SLCO1A2: variants seen among roughly 807,000 people sequenced by gnomAD.
SLCO1A2 encodes solute carrier organic anion transporter family member 1A2.
SLCO1A2 carries 67 observed loss-of-function variants against 69.0 expected under a neutral mutation model. The ratio of observed to expected loss-of-function variants is 0.97; its 90% CI spans 0.80 to 1.19. The LOEUF (loss-of-function observed/expected upper bound fraction) is 1.19. SLCO1A2 is among the 50% of genes most tolerant of loss of function. The pLI, the probability that SLCO1A2 is intolerant of heterozygous loss-of-function variation, is 0.00. For synonymous variants in SLCO1A2, 260 were observed against 265.9 expected, an observed-to-expected ratio of 0.98 and a Z score of 0.22; for missense variants, 787 against 793.7, an observed-to-expected ratio of 0.99 and a Z score of 0.10.
chr12:21,391,087 A>C (rs376101579), intron 1 of SLCO1A2, among the ~76,000 whole-genome samples: 5 of 152,134 alleles, frequency 3.3e-5, no homozygotes, highest in Non-Finnish European at 5.9e-5. Flanking sequence ...AATTTCTGAA[A>C]TTTTCCATGT....
intron 8 of SLCO1A2, among the ~76,000 whole-genome samples, chr12:21,300,000 A>ATG (rs113017149): frequency 0.097 from 14,223 of 147,228 alleles, 1,579 homozygotes; most frequent in East Asian, 0.35. Context: ...GTGTAGATAT[A>ATG]TGTGTGTGTA....
At chr12:21,359,022 C>G (rs1050412872) in intron 2 of SLCO1A2, among the ~76,000 whole-genome samples, 6 of 152,148 alleles carry the variant, frequency 3.9e-5, no homozygotes, top group Non-Finnish European at 5.9e-5. Context: ...CTATGCTTAG[C>G]TAAGACAGCA....
chr12:21,329,926 T>C (rs1952497776), intron 2 of SLCO1A2, among the ~76,000 whole-genome samples: 1 of 151,658 alleles, frequency 6.6e-6, no homozygotes, highest in Admixed American at 6.6e-5. Context: ...CTACTGGAGG[T>C]AATTTTGAGA....
intron 12 of SLCO1A2, among the ~76,000 whole-genome samples, chr12:21,290,736 T>C (rs1262892540): frequency 1.3e-5 from 2 of 152,138 alleles, no homozygotes. Flanking sequence ...TTTTTATAAG[T>C]TAGAAATGTG....
intron 2 of SLCO1A2, among the ~76,000 whole-genome samples, chr12:21,325,711 C>A (rs1308641039): frequency 6.6e-6 from 1 of 152,186 alleles, no homozygotes; most frequent in Non-Finnish European, 1.5e-5. Context: ...TTTGTTTCAA[C>A]CCCATCAATT....
chr12:21,297,409 A>T lies in SLCO1A2; in HGVS notation c.1070T>A (p.Leu357Gln). The change falls in exon 9 of 15, where the codon CTA becomes CAA. Residue 357 changes from leucine (L) to glutamine (Q), a missense_variant. Transcript: ENST00000683939. The stretch of plus-strand genomic sequence containing the variant: ...GCAGAGAAAAACAAACATACCCATT[A>T]GAAAGATTGCATCTGAAGATGATAT... ...YGISSSDAIF[L>Q]MGIYNLPPIC... 1 of 1,610,268 alleles carries T rather than the reference A, an allele frequency of 6.2e-7. No homozygotes were observed. The highest frequency in any genetic ancestry group is 8.5e-7 in the Non-Finnish European group (1 of 1,177,532).
rs200776060 is a variant in SLCO1A2, at chr12:21,299,995, GAT to G, written c.910+351_910+352del. 7.9e-3 allele frequency among the ~76,000 whole-genome samples: 1,107 copies of G among 140,760 alleles called. 17 individuals carry two copies. The highest frequency in any genetic ancestry group is 0.03 in the African/African-American group (1,059 of 35,722). The allele number at this position is 140,760 out of a possible 152,430, so 92.3% of individuals were successfully genotyped here. The stretch of plus-strand genomic sequence containing the variant: ...ATATATATGTGTATATATGTGTGTA[GAT>G]ATATGTGTGTGTACATATATATGTG... On this transcript the variant is annotated intron_variant, in intron 8 of 14. Transcript: ENST00000683939.
At chr12:21,285,897 A>G (rs1945688949) in intron 12 of SLCO1A2, among the ~76,000 whole-genome samples, 1 of 151,198 alleles carries the variant, frequency 6.6e-6, no homozygotes, top group South Asian at 2.1e-4. Context: ...CCCACAGCCA[A>G]TATCATACTG....
intron 12 of SLCO1A2, among the ~76,000 whole-genome samples, chr12:21,282,693 A>G (rs1250944776): frequency 6.6e-6 from 1 of 152,124 alleles, no homozygotes; most frequent in Non-Finnish European, 1.5e-5. Flanking sequence ...TGAAAAGCCT[A>G]AAGACTCCAC....
At chr12:21,371,831 C>T (rs1227966619) in intron 2 of SLCO1A2, among the ~76,000 whole-genome samples, 3 of 151,894 alleles carry the variant, frequency 2.0e-5, no homozygotes, top group Non-Finnish European at 4.4e-5. Flanking sequence ...AGAGAATCCC[C>T]GTCTCCACTA....
intron 1 of SLCO1A2, among the ~76,000 whole-genome samples, chr12:21,400,858 C>G (rs1451236708): frequency 4.1e-5 from 5 of 122,708 alleles, no homozygotes; most frequent in African/African-American, 1.6e-4. Flanking sequence ...AGGGGAATAT[C>G]ACACTCTGGG....
At chr12:21,323,174 T>C (rs888866177) in intron 2 of SLCO1A2, among the ~76,000 whole-genome samples, 1 of 152,244 alleles carries the variant, frequency 6.6e-6, no homozygotes, top group Admixed American at 6.5e-5. Flanking sequence ...TTAACTTCTA[T>C]GCATTGAGCT....
At chr12:21,276,063 C>G (rs997151184) in intron 12 of SLCO1A2, among the ~76,000 whole-genome samples, 1 of 152,046 alleles carries the variant, frequency 6.6e-6, no homozygotes, top group African/African-American at 2.4e-5. Context: ...AGAATACTCA[C>G]TATCACAACT....
At chr12:21,351,308 CT>C (rs1389699767) in intron 2 of SLCO1A2, among the ~76,000 whole-genome samples, 27 of 152,172 alleles carry the variant, frequency 1.8e-4, no homozygotes, top group Admixed American at 1.8e-3. Flanking sequence ...TCCTGTTTTA[CT>C]AGTGCAGTTT....
In SLCO1A2 at chr12:21,304,571, A is replaced by G. The variant is rs759005682; in HGVS notation, c.445T>C (p.Cys149Arg). Reference protein sequence around the residue: ...ILRPTQDPSECTKEVKSLMWV... With the variant: ...ILRPTQDPSERTKEVKSLMWV... Reference sequence around the variant, plus strand: ...ATTAATGATTTAACTTCCTTTGTACACTCTGCATTAAAAAAAAAAGACATG... The same window carrying G: ...ATTAATGATTTAACTTCCTTTGTACGCTCTGCATTAAAAAAAAAAGACATG... The change falls in exon 6 of 15, where the codon TGT (cysteine) becomes CGT (arginine). Residue 149 changes from cysteine to arginine, a missense_variant and splice_region_variant. Cys to Arg is a radical substitution (Grantham distance 180). Transcript: ENST00000683939. The G allele has an allele frequency of 1.1e-4, 180 of 1,580,186 alleles. 1 individual carries two copies. In the East Asian group the frequency reaches 4.1e-3, roughly 36 times the overall value.
At chr12:21,414,500 C>T (rs1169195891) in intron 1 of SLCO1A2, among the ~76,000 whole-genome samples, 1 of 151,890 alleles carries the variant, frequency 6.6e-6, no homozygotes, top group Non-Finnish European at 1.5e-5. Flanking sequence ...CCAACTTAAT[C>T]GCATTGTGTT....
chr12:21,390,281 A>C (rs7967902), intron 1 of SLCO1A2, among the ~76,000 whole-genome samples: 23,822 of 152,024 alleles, frequency 0.16, 2,069 homozygotes, highest in East Asian at 0.38. Context: ...TTACATAGAT[A>C]TGAGTTTCTA....
chr12:21,322,102 A>G (rs1423866785), intron 2 of SLCO1A2, among the ~76,000 whole-genome samples: 2 of 152,242 alleles, frequency 1.3e-5, no homozygotes, highest in Non-Finnish European at 2.9e-5. Flanking sequence ...AAATCAAATA[A>G]GATTAAATAT....
At chr12:21,289,228 G>C (rs1207163588) in intron 12 of SLCO1A2, among the ~76,000 whole-genome samples, 1 of 143,996 alleles carries the variant, frequency 6.9e-6, no homozygotes, top group African/African-American at 2.5e-5. Flanking sequence ...GTGTGTGTAT[G>C]GCATCACTAG....
Sources: gnomAD v4.1 joint callset for allele counts (sites outside exome capture counted in the v4.1 genomes callset) on GRCh38, gnomAD v4.1.1 for gene constraint, MANE v1.5 for transcripts, NCBI Gene and HGNC (gene_info 2026-07-23, HGNC 2026-07-21) for gene names.